The following EIF4G3 variants were observed in gnomAD, a reference collection of about 807,000 sequenced individuals.
EIF4G3 encodes eIF-4-gamma 3.
EIF4G3 carries 34 observed loss-of-function variants against 186.4 expected under a neutral mutation model. The observed-to-expected ratio is 0.18, with a 90% CI of 0.14 to 0.24. The LOEUF is 0.24. Among genes scored for constraint, EIF4G3 ranks in the 10% least tolerant of loss-of-function variants. The pLI is 1.00. For synonymous variants in EIF4G3, 673 were observed against 679.5 expected, an observed-to-expected ratio of 0.99 and a Z score of 0.15; for missense variants, 1,536 against 1,948.5, an observed-to-expected ratio of 0.79 and a Z score of 3.99.
At chr1:20,970,628 T>C (rs1021081997) in intron 11 of EIF4G3, among the ~76,000 whole-genome samples, 3 of 146,714 alleles carry the variant, frequency 2.0e-5, no homozygotes, top group African/African-American at 7.6e-5. Context: ...AAAAATTATC[T>C]TACGTCCTTA....
rs1482889131 is a variant in EIF4G3, at chr1:20,942,150, A to G, written c.1004T>C (p.Ile335Thr). ...AAGAGCAGAAGAGGTGGGGGCTGCAATTGTACTTCGAGCAACAGAAGAAAC... is the reference window on the plus strand; with the variant it reads ...AAGAGCAGAAGAGGTGGGGGCTGCAGTTGTACTTCGAGCAACAGAAGAAAC... ...TTVSSVARST[I>T]AAPTSSALSS... The change falls in exon 14 of 37, where the codon ATT (isoleucine) becomes ACT (threonine). Residue 335 changes from isoleucine (I) to threonine (T), a missense_variant. Around this residue, in one of 11 missense-constraint regions of EIF4G3, gnomAD observed 560 missense variants for 547.8 expected, o/e 1.02. Coordinates refer to ENST00000602326, the MANE Select transcript of EIF4G3 (RefSeq NM_001391906.1). 3 of 1,614,124 alleles carry G rather than the reference A, an allele frequency of 1.9e-6. No homozygotes were observed. Among genetic ancestry groups the G allele is most frequent in the Non-Finnish European group, 2.5e-6 (3 of 1,180,010 alleles).
At chr1:21,126,952 AT>A (rs1017626176) in intron 2 of EIF4G3, among the ~76,000 whole-genome samples, 4 of 151,970 alleles carry the variant, frequency 2.6e-5, no homozygotes, top group African/African-American at 4.8e-5. Context: ...ATTATACTGT[AT>A]TTTTTTATTT....
At chr1:20,886,590 C>G (rs1407857745) in intron 18 of EIF4G3, among the ~76,000 whole-genome samples, 1 of 152,124 alleles carries the variant, frequency 6.6e-6, no homozygotes, top group Non-Finnish European at 1.5e-5. Flanking sequence ...AACAAGAGGC[C>G]TTTTTGAACC....
chr1:20,873,299 T>C (rs942962635), intron 20 of EIF4G3, among the ~76,000 whole-genome samples: 1 of 152,218 alleles, frequency 6.6e-6, no homozygotes, highest in East Asian at 1.9e-4. Flanking sequence ...TTTTCTTTCC[T>C]GTATAAAAAA....
At chr1:20,980,507 T>A (rs1252262045) in intron 9 of EIF4G3, 59 bp from the exon 10 acceptor site, 2 of 1,112,234 alleles carry the variant, frequency 1.8e-6, no homozygotes, top group African/African-American at 3.4e-5. Context: ...GCGAAAAACA[T>A]AATAAAATAA....
intron 2 of EIF4G3, among the ~76,000 whole-genome samples, chr1:21,163,964 G>A (rs1480388852): frequency 1.3e-5 from 2 of 151,978 alleles, no homozygotes; most frequent in East Asian, 3.9e-4. Flanking sequence ...AGTAGAGACA[G>A]GGTTTCTCCA....
intron 4 of EIF4G3, chr1:21,003,590 C>A: frequency 3.4e-6 from 1 of 296,180 alleles, no homozygotes; most frequent in South Asian, 3.5e-5. Flanking sequence ...TTCACCTTGC[C>A]TCTTCAAGGT....
At position 21,176,784 on chromosome 1, in the gene EIF4G3, G is replaced by T. The variant is rs894639185; in HGVS notation, c.-518C>A. On this transcript the variant is annotated 5_prime_UTR_variant, in exon 1 of 37. Coordinates refer to ENST00000602326, the MANE Select transcript of EIF4G3 (RefSeq NM_001391906.1). ...ATCTTTATCCCCCTCCCCGGAGGAA[G>T]CGGCGCCCTTCTCGGTAGCGGGGCT... The T allele has an allele frequency of 8.6e-6, 6 of 700,506 alleles. No homozygotes were observed. The highest frequency in any genetic ancestry group is 5.9e-5 in the South Asian group (4 of 67,576). 43.4% of individuals were successfully genotyped at this position (700,506 alleles called of 1,614,324 possible). A position where few individuals can be genotyped will look rare whatever the true frequency, so the allele number is the denominator to read the frequency against.
chr1:21,118,509 C>T (rs1416161353), intron 2 of EIF4G3, among the ~76,000 whole-genome samples: 6 of 151,972 alleles, frequency 3.9e-5, no homozygotes, highest in Admixed American at 2.0e-4. Context: ...ATGTTGGGCC[C>T]GGCGCAGTGG....
intron 10 of EIF4G3, among the ~76,000 whole-genome samples, chr1:20,974,330 G>T (rs1032737353): frequency 6.6e-6 from 1 of 152,200 alleles, no homozygotes; most frequent in Non-Finnish European, 1.5e-5. Context: ...GGCATTCCAT[G>T]TCTATTAGAG....
intron 3 of EIF4G3, among the ~76,000 whole-genome samples, chr1:21,056,374 A>C (rs971745544): frequency 1.3e-5 from 2 of 152,190 alleles, no homozygotes; most frequent in Non-Finnish European, 2.9e-5. Context: ...AATTCAAATA[A>C]GATCCTCTAT....
chr1:21,121,088 T>C (rs1352302775), intron 2 of EIF4G3, among the ~76,000 whole-genome samples: 1 of 152,104 alleles, frequency 6.6e-6, no homozygotes, highest in South Asian at 2.1e-4. Context: ...CCAGCTAATT[T>C]TTAATATTTT....
intron 12 of EIF4G3, among the ~76,000 whole-genome samples, chr1:20,958,442 T>C (rs1389846663): frequency 6.6e-6 from 1 of 152,132 alleles, no homozygotes; most frequent in Non-Finnish European, 1.5e-5. Context: ...GCCAATATCA[T>C]ACTGAATGGG....
intron 30 of EIF4G3, among the ~76,000 whole-genome samples, chr1:20,837,274 C>G (rs1046746480): frequency 5.3e-5 from 8 of 152,046 alleles, no homozygotes; most frequent in Non-Finnish European, 1.2e-4. Context: ...GGCACAATCT[C>G]AGCTCACTGC....
In EIF4G3 at chr1:20,942,120, C is replaced by T; in HGVS notation, c.1034G>A (p.Ser345Asn). Residue 345 changes from serine to asparagine, a missense_variant, in exon 14 of 37, where the codon AGC becomes AAC. Around this residue, in one of 11 missense-constraint regions of EIF4G3, gnomAD observed 560 missense variants for 547.8 expected, o/e 1.02. Transcript: ENST00000602326. ...IAAPTSSALSSQPIFTTAIDD... is the reference protein window; with the variant it reads ...IAAPTSSALSNQPIFTTAIDD... ...TATAGCAGTGGTGAATATTGGTTGG[C>T]TACTAAGAGCAGAAGAGGTGGGGGC... 1.1e-5 allele frequency: 18 copies of T among 1,614,076 alleles called. No homozygotes were observed. Among genetic ancestry groups the T allele is most frequent in the Non-Finnish European group, 1.4e-5 (17 of 1,180,004 alleles).
chr1:20,898,014 T>C (rs769793151), intron 16 of EIF4G3, among the ~76,000 whole-genome samples: 2 of 152,188 alleles, frequency 1.3e-5, no homozygotes, highest in Non-Finnish European at 2.9e-5. Flanking sequence ...ACATTGGTGA[T>C]GGCTACAAGT....
chr1:20,815,561 G>A (rs1234948521), intron 34 of EIF4G3, among the ~76,000 whole-genome samples: 4 of 151,942 alleles, frequency 2.6e-5, no homozygotes, highest in Non-Finnish European at 4.4e-5. Flanking sequence ...CCCCGTCTGA[G>A]AAGTGGGGAG....
intron 6 of EIF4G3, chr1:20,999,795 T>C (rs561525299): frequency 6.9e-4 from 287 of 418,340 alleles, no homozygotes; most frequent in Non-Finnish European, 1.2e-3. Flanking sequence ...CAGAACAAAC[T>C]GTAGTCGCTG....
At chr1:20,859,127 T>G (rs1340442054) in intron 24 of EIF4G3, among the ~76,000 whole-genome samples, 2 of 152,244 alleles carry the variant, frequency 1.3e-5, no homozygotes, top group Non-Finnish European at 2.9e-5. Flanking sequence ...TAAACAGACT[T>G]GCTTCTTCCT....
Sources: gnomAD v4.1 joint callset for allele counts (sites outside exome capture counted in the v4.1 genomes callset) on GRCh38, gnomAD v4.1.1 for gene constraint, gnomAD v4.1.1 regional missense constraint, MANE v1.5 for transcripts, NCBI Gene and HGNC (gene_info 2026-07-23, HGNC 2026-07-21) for gene names.